Variants in SEMA4B observed in about 807,000 individuals in gnomAD.
The protein encoded by SEMA4B is semaphorin 4B.
A neutral mutation model predicts 88.1 loss-of-function variants in SEMA4B; 55 were observed. The ratio of observed to expected loss-of-function variants is 0.62; its 90% CI spans 0.50 to 0.78. The LOEUF (loss-of-function observed/expected upper bound fraction) is 0.78, where lower values mean the gene tolerates loss of function less well. Among genes scored for constraint, SEMA4B ranks in the 30% least tolerant of loss-of-function variants. The pLI is 0.00. For synonymous variants in SEMA4B, 525 were observed against 473.6 expected (o/e 1.11, Z -1.41); for missense variants, 1,062 against 1,111.9 (o/e 0.96, Z 0.64).
chr15:90,198,418 C>A (rs1453635461), upstream of SEMA4B, among the ~76,000 whole-genome samples: 3 of 152,176 alleles, frequency 2.0e-5, no homozygotes, highest in Non-Finnish European at 2.9e-5. Flanking sequence ...AAGCAAAAAT[C>A]TCTGCCCTCT....
Position 90,201,570 on chromosome 15 carries a change from G to C in SEMA4B, c.-9G>C, listed in dbSNP as rs773715660. ...CGAGCCGCGGGACACCGTCGCTCCT[G>C]CTCTCCGAATGCTGCGCACCGCGAT... is the stretch of plus-strand genomic sequence containing the variant. On this transcript the variant is annotated 5_prime_UTR_variant, in exon 1 of 14. Transcript: ENST00000411539. 7 of 1,485,526 alleles carry C rather than the reference G, an allele frequency of 4.7e-6. No homozygotes were observed. Among genetic ancestry groups the C allele is most frequent in the Non-Finnish European group, 5.3e-6 (6 of 1,124,660 alleles). The allele number at this position is 1,485,526 out of a possible 1,614,324, so 92.0% of individuals were successfully genotyped here.
intron 1 of SEMA4B, among the ~76,000 whole-genome samples, chr15:90,207,872 A>G (rs933428738): frequency 6.6e-6 from 1 of 152,216 alleles, no homozygotes; most frequent in Admixed American, 6.5e-5. Flanking sequence ...TGAGGCACAC[A>G]TCTCAGACAG....
chr15:90,213,614 C>T (rs1408472139), intron 1 of SEMA4B, among the ~76,000 whole-genome samples: 2 of 152,258 alleles, frequency 1.3e-5, no homozygotes, highest in Non-Finnish European at 2.9e-5. Context: ...GATTGAGTTG[C>T]CACCTGGGAC....
At position 90,225,236 on chromosome 15, in the gene SEMA4B, T is replaced by C. The variant is rs566518960; in HGVS notation, c.1406-46T>C. On this transcript the variant is annotated intron_variant, in intron 10 of 13. Coordinates refer to ENST00000411539, the MANE Select transcript of SEMA4B (RefSeq NM_198925.4). ...AGGGGTGCACGTGGCTGGTGGGTCA[T>C]GGGCAGTGGGCTCCACCCAGGGCCT... 31 of 1,554,566 alleles carry C rather than the reference T, an allele frequency of 2.0e-5. No individual in the cohort carries two copies. The African/African-American group carries it at 4.1e-4, about 21-fold the overall frequency.
In SEMA4B at chr15:90,210,020, G is replaced by C. The variant is rs377498071; in HGVS notation, c.158-7419G>C. 3.3e-5 allele frequency among the ~76,000 whole-genome samples: 5 copies of C among 152,352 alleles called. No homozygotes were observed. The East Asian group carries it at 7.7e-4, about 24-fold the overall frequency. Reference sequence around the variant, plus strand: ...GCAGCTGGCCTGGAGATGGGAGGCTGGTTGGGAGGCTGCTGTGATGGTGGC... The same window carrying C: ...GCAGCTGGCCTGGAGATGGGAGGCTCGTTGGGAGGCTGCTGTGATGGTGGC... On this transcript the variant is annotated intron_variant, in intron 1 of 13. Coordinates refer to ENST00000411539, the MANE Select transcript of SEMA4B (RefSeq NM_198925.4).
At chr15:90,189,813 A>G (rs1171707906) in intron 1 of SEMA4B, among the ~76,000 whole-genome samples, 1 of 152,148 alleles carries the variant, frequency 6.6e-6, no homozygotes, top group Non-Finnish European at 1.5e-5. Flanking sequence ...ATGGCATCTC[A>G]TTCTTGGCGT....
At position 90,201,379 on chromosome 15, in the gene SEMA4B, G is replaced by C. The variant is rs1960711415; in HGVS notation, c.-200G>C. The C allele has an allele frequency of 1.6e-6, 2 of 1,255,094 alleles. No homozygotes were observed. The highest frequency in any genetic ancestry group is 3.1e-5 in the African/African-American group (2 of 63,906). The allele number at this position is 1,255,094 out of a possible 1,614,324, so 77.7% of individuals were successfully genotyped here. ...CCGAGGCTGCGGGGCCGGCGCCGGC[G>C]GGAGGACTGCGGTGCCCCGCGGAGG... On this transcript the variant is annotated 5_prime_UTR_variant, in exon 1 of 14. Transcript: ENST00000411539.
At chr15:90,193,589 CCT>C (rs1363578806) in intron 1 of SEMA4B, 2 of 152,180 alleles carry the variant, frequency 1.3e-5, no homozygotes, top group African/African-American at 2.4e-5. Flanking sequence ...CGCATCAGCC[CCT>C]GTCTCCTCTG....
At chr15:90,215,111 T>A in intron 1 of SEMA4B, 1 of 558,728 alleles carries the variant, frequency 1.8e-6, no homozygotes, top group South Asian at 3.7e-5. Context: ...TGCTCTTTGC[T>A]TGTTTTTGTG....
At chr15:90,189,123 G>A (rs1960271676) in intron 1 of SEMA4B, among the ~76,000 whole-genome samples, 2 of 151,972 alleles carry the variant, frequency 1.3e-5, no homozygotes, top group South Asian at 2.1e-4. Flanking sequence ...GAAGGAAGTG[G>A]GGGGGAGGAA....
At chr15:90,201,229 T>G (rs1960697446), upstream of SEMA4B, 1 of 834,330 alleles carries the variant, frequency 1.2e-6, no homozygotes, top group Non-Finnish European at 1.5e-6. Flanking sequence ...CGCCCCGAGC[T>G]GCCGCCCCTC....
At chr15:90,199,712 G>C (rs559973992), upstream of SEMA4B, among the ~76,000 whole-genome samples, 9 of 152,228 alleles carry the variant, frequency 5.9e-5, no homozygotes, top group East Asian at 5.8e-4. Context: ...TGTAATCTCA[G>C]CTACTCGGGA....
rs1304025288 is a variant in SEMA4B at position 90,201,628 on chromosome 15, G to T, written c.50G>T (p.Gly17Val). 7 of 1,517,182 alleles carry T rather than the reference G, an allele frequency of 4.6e-6. No individual in the cohort carries two copies. Among genetic ancestry groups the T allele is most frequent in the African/African-American group, 1.4e-5 (1 of 69,772 alleles). The allele number at this position is 1,517,182 out of a possible 1,614,324, so 94.0% of individuals were successfully genotyped here. ...AGGAGCTGGCTCGCCGCCCCATGGG[G>T]CGCGCTGCCGCCTCGGCCACCGCTG... ...GLRSWLAAPW[G>V]ALPPRPPLLL... Residue 17 changes from glycine to valine, a missense_variant, in exon 1 of 14, where the codon GGC becomes GTC. Transcript: ENST00000411539.
intron 3 of SEMA4B, chr15:90,219,298 A>G (rs1482241214): frequency 6.6e-6 from 1 of 152,370 alleles, no homozygotes; most frequent in Admixed American, 6.5e-5. Flanking sequence ...TGAAAGTGGC[A>G]AGATCTCGGG....
intron 1 of SEMA4B, among the ~76,000 whole-genome samples, chr15:90,209,203 A>G (rs1252030306): frequency 1.3e-5 from 2 of 152,158 alleles, no homozygotes; most frequent in Non-Finnish European, 2.9e-5. Flanking sequence ...AGTTGATACA[A>G]ATATGAATAA....
At chr15:90,214,971 A>G (rs986519021) in intron 1 of SEMA4B, 1 of 1,277,616 alleles carries the variant, frequency 7.8e-7, no homozygotes, top group South Asian at 1.3e-5. Flanking sequence ...ACAGGTAAAC[A>G]CACATGAAGT....
At position 90,228,324 on chromosome 15, in the gene SEMA4B, C is replaced by G; in HGVS notation, c.2195C>G (p.Pro732Arg). The change falls in exon 14 of 14, where the codon CCA (proline) becomes CGA (arginine). Residue 732 changes from proline to arginine, a missense_variant. Physicochemically the swap from Pro to Arg is moderately radical, Grantham distance 103. Transcript: ENST00000411539. ...CTLFVLAVLL[P>R]VLFLLYRHRN... ...CTCTTTGTGCTGGCCGTGCTGCTCCCAGTTTTATTCTTGCTCTACCGGCAC... is the reference window on the plus strand; with the variant it reads ...CTCTTTGTGCTGGCCGTGCTGCTCCGAGTTTTATTCTTGCTCTACCGGCAC... 6.3e-6 allele frequency: 10 copies of G among 1,599,350 alleles called. No homozygotes were observed. The highest frequency in any genetic ancestry group is 8.5e-6 in the Non-Finnish European group (10 of 1,172,242).
At chr15:90,195,940 A>G (rs1436226626) in intron 1 of SEMA4B, among the ~76,000 whole-genome samples, 1 of 40,472 alleles carries the variant, frequency 2.5e-5, no homozygotes. Flanking sequence ...TTTTTTTTCG[A>G]GACGGAGTCT....
upstream of SEMA4B, among the ~76,000 whole-genome samples, chr15:90,197,283 A>G (rs918105430): frequency 2.6e-5 from 4 of 152,032 alleles, no homozygotes; most frequent in Non-Finnish European, 1.5e-5. Flanking sequence ...CCAGCTACTC[A>G]GGAGGCTCAG....
Sources: allele counts gnomAD v4.1 joint callset (sites outside exome capture counted in the v4.1 genomes callset), GRCh38; gene constraint gnomAD v4.1.1; transcripts MANE v1.5; gene names NCBI Gene and HGNC (gene_info 2026-07-23, HGNC 2026-07-21).